NCOA1: variants seen among roughly 807,000 people sequenced by gnomAD.
NCOA1 encodes the protein nuclear receptor coactivator 1.
NCOA1 carries 35 observed loss-of-function variants against 150.9 expected under a neutral mutation model. The observed-to-expected ratio is 0.23, with a 90% CI of 0.18 to 0.31. The LOEUF is 0.31. Ranked by LOEUF, NCOA1 falls within the 10% of genes least tolerant of loss-of-function variation. The pLI is 1.00. For missense variants in NCOA1, 1,491 were observed against 1,749.3 expected, an observed-to-expected ratio of 0.85 and a Z score of 2.63; for synonymous variants, 590 against 630.0, an observed-to-expected ratio of 0.94 and a Z score of 0.95.
intron 2 of NCOA1, among the ~76,000 whole-genome samples, chr2:24,577,786 T>G (rs575737845): frequency 6.6e-6 from 1 of 152,316 alleles, no homozygotes; most frequent in African/African-American, 2.4e-5. Flanking sequence ...TTGTGCAGTT[T>G]TTACTGCCTT....
chr2:24,547,546 A>G (rs559372106), intron 1 of NCOA1, among the ~76,000 whole-genome samples: 5 of 152,332 alleles, frequency 3.3e-5, no homozygotes, highest in African/African-American at 7.2e-5. Context: ...AAAGACTATC[A>G]TAATTTAAAA....
intron 1 of NCOA1, among the ~76,000 whole-genome samples, chr2:24,511,868 T>C (rs1288863506): frequency 1.3e-5 from 2 of 152,224 alleles, no homozygotes; most frequent in Non-Finnish European, 2.9e-5. Flanking sequence ...GATATATTTT[T>C]AGTTAATTTT....
At chr2:24,694,774 C>CT (rs1282047726) in intron 10 of NCOA1, among the ~76,000 whole-genome samples, 3 of 151,856 alleles carry the variant, frequency 2.0e-5, no homozygotes, top group African/African-American at 7.3e-5. Context: ...AATAAACGTA[C>CT]TATGGATATG....
chr2:24,701,557 G>T lies in NCOA1; in HGVS notation c.950-3529G>T, dbSNP rs894674072. Among the ~76,000 whole-genome samples the T allele has an allele frequency of 3.4e-4, 51 of 149,162 alleles. 1 individual carries two copies. The highest frequency in any genetic ancestry group is 1.2e-3 in the African/African-American group (48 of 40,692). ...CAAGAGAGCACAGCATATATAATATGATCTCACTTTTACATATCTTTCTAT... is the reference window on the plus strand; with the variant it reads ...CAAGAGAGCACAGCATATATAATATTATCTCACTTTTACATATCTTTCTAT... On this transcript the variant is annotated intron_variant, in intron 11 of 22. Coordinates refer to ENST00000348332, the MANE Select transcript of NCOA1 (RefSeq NM_003743.5).
At chr2:24,513,608 A>C (rs1664028586) in intron 1 of NCOA1, among the ~76,000 whole-genome samples, 1 of 152,202 alleles carries the variant, frequency 6.6e-6, no homozygotes, top group Non-Finnish European at 1.5e-5. Context: ...GTGTGCGTGC[A>C]CACGTGTACA....
At chr2:24,497,966 A>T (rs1048302143) in intron 1 of NCOA1, among the ~76,000 whole-genome samples, 2 of 152,222 alleles carry the variant, frequency 1.3e-5, no homozygotes, top group African/African-American at 2.4e-5. Flanking sequence ...TAAAACATTT[A>T]CATACTTTTA....
chr2:24,567,887 G>A (rs910009234), intron 2 of NCOA1, among the ~76,000 whole-genome samples: 4 of 152,024 alleles, frequency 2.6e-5, no homozygotes, highest in African/African-American at 7.3e-5. Flanking sequence ...GGGATTACAG[G>A]TGTGCACAAC....
intron 7 of NCOA1, among the ~76,000 whole-genome samples, 181 bp from the exon 8 acceptor site, chr2:24,682,770 C>T (rs1274458695): frequency 6.6e-6 from 1 of 150,942 alleles, no homozygotes; most frequent in African/African-American, 2.4e-5. Context: ...CTCTGATCTG[C>T]ATTTTATCAC....
intron 3 of NCOA1, among the ~76,000 whole-genome samples, chr2:24,638,002 A>T (rs1367329043): frequency 6.6e-6 from 1 of 150,558 alleles, no homozygotes; most frequent in Admixed American, 6.6e-5. Context: ...GGCCGAAACT[A>T]TACAATATAT....
At chr2:24,734,175 C>A in intron 17 of NCOA1, among the ~76,000 whole-genome samples, 1 of 140,606 alleles carries the variant, frequency 7.1e-6, no homozygotes. Context: ...GAAACTCCAT[C>A]TCAAAAAAAA....
intron 18 of NCOA1, among the ~76,000 whole-genome samples, chr2:24,740,603 T>A (rs1663555225): frequency 6.6e-6 from 1 of 152,242 alleles, no homozygotes; most frequent in South Asian, 2.1e-4. Context: ...ATTGCTGAAA[T>A]GTCTTTATGC....
intron 3 of NCOA1, among the ~76,000 whole-genome samples, chr2:24,642,039 C>T (rs143421887): frequency 2.2e-4 from 18 of 81,138 alleles, no homozygotes; most frequent in South Asian, 8.9e-4. Flanking sequence ...TGTGTGTGTG[C>T]GCGCGTGCGT....
At chr2:24,658,806 T>C (rs779039461) in intron 5 of NCOA1, 40 bp downstream of exon 5, 1 of 1,574,374 alleles carries the variant, frequency 6.4e-7, no homozygotes. Context: ...GCAGAGCTGC[T>C]TTATTACTTT....
chr2:24,621,880 A>G (rs912891695), intron 3 of NCOA1, among the ~76,000 whole-genome samples: 2 of 152,198 alleles, frequency 1.3e-5, no homozygotes, highest in Non-Finnish European at 1.5e-5. Flanking sequence ...CTTTGTTAGG[A>G]ATTGATACAT....
intron 1 of NCOA1, among the ~76,000 whole-genome samples, chr2:24,539,312 T>G (rs1665294207): frequency 6.6e-6 from 1 of 151,560 alleles, no homozygotes; most frequent in Non-Finnish European, 1.5e-5. Context: ...ATAAAAAGAG[T>G]CAGGGTTGGG....
At chr2:24,615,306 T>C (rs531917692) in intron 3 of NCOA1, among the ~76,000 whole-genome samples, 1 of 152,350 alleles carries the variant, frequency 6.6e-6, no homozygotes, top group South Asian at 2.1e-4. Flanking sequence ...GCTCAACTGC[T>C]TGTTACTAGT....
chr2:24,499,153 C>CTA (rs1335349511), intron 1 of NCOA1, among the ~76,000 whole-genome samples: 2 of 152,044 alleles, frequency 1.3e-5, no homozygotes, highest in Non-Finnish European at 2.9e-5. Context: ...TAATAATTCC[C>CTA]TACTATTTTG....
intron 17 of NCOA1, among the ~76,000 whole-genome samples, 167 bp downstream of exon 17, chr2:24,729,982 A>G (rs1250437144): frequency 1.3e-5 from 2 of 152,006 alleles, no homozygotes; most frequent in Non-Finnish European, 2.9e-5. Flanking sequence ...AGTAGCTGGG[A>G]TTACAGGTGT....
intron 2 of NCOA1, among the ~76,000 whole-genome samples, chr2:24,574,960 C>T (rs946355347): frequency 3.3e-5 from 5 of 152,158 alleles, no homozygotes; most frequent in East Asian, 1.9e-4. Flanking sequence ...TGATAATTGT[C>T]GGTGTGATTT....
Sources: gnomAD v4.1 joint callset for allele counts (sites outside exome capture counted in the v4.1 genomes callset) on GRCh38, gnomAD v4.1.1 for gene constraint, MANE v1.5 for transcripts, NCBI Gene and HGNC (gene_info 2026-07-23, HGNC 2026-07-21) for gene names.